Variants in UGT1A3 observed in about 807,000 individuals in gnomAD.
UGT1A3 encodes the protein UDP-glucuronosyltransferase 1A3.
A neutral mutation model predicts 41.0 loss-of-function variants in UGT1A3; 31 were observed. The ratio of observed to expected loss-of-function variants is 0.76; its 90% CI spans 0.57 to 1.02. The LOEUF (loss-of-function observed/expected upper bound fraction) is 1.02, where lower values mean the gene tolerates loss of function less well. UGT1A3 is among the 50% of genes least tolerant of loss of function. The pLI, the probability that UGT1A3 is intolerant of heterozygous loss-of-function variation, is 0.00. For synonymous variants in UGT1A3, 262 were observed against 257.6 expected, an observed-to-expected ratio of 1.02 and a Z score of -0.17; for missense variants, 737 against 671.0, an observed-to-expected ratio of 1.10 and a Z score of -1.09.
chr2:233,757,535 A>AATATATATATAT (rs67292694), intron 1 of UGT1A3, among the ~76,000 whole-genome samples: 911 of 88,202 alleles, frequency 0.01, 30 homozygotes, highest in Middle Eastern at 0.029. Context: ...GCCTGTAAGG[A>AATATATATATAT]ATATATATAT....
intron 1 of UGT1A3, among the ~76,000 whole-genome samples, chr2:233,741,100 C>A (rs1335319606): frequency 1.3e-5 from 2 of 151,794 alleles, no homozygotes; most frequent in Non-Finnish European, 2.9e-5. Context: ...AGCAAACAGA[C>A]AATCAAGCTT....
intron 1 of UGT1A3, among the ~76,000 whole-genome samples, chr2:233,745,931 A>T (rs1693251740): frequency 1.3e-5 from 2 of 151,426 alleles, no homozygotes; most frequent in African/African-American, 4.9e-5. Flanking sequence ...TTCAGAAGGG[A>T]CAGCTGGGGG....
At chr2:233,730,730 G>A (rs186110324) in intron 1 of UGT1A3, among the ~76,000 whole-genome samples, 24 of 152,186 alleles carry the variant, frequency 1.6e-4, no homozygotes, top group African/African-American at 4.1e-4. Context: ...AAGAAATGGC[G>A]GAAGGGGCTA....
At chr2:233,766,958 T>C in intron 1 of UGT1A3, 76 bp from the exon 2 acceptor site, 1 of 1,605,414 alleles carries the variant, frequency 6.2e-7, no homozygotes, top group Non-Finnish European at 8.5e-7. Context: ...GGAAGATATC[T>C]AATTCATAAC....
intron 1 of UGT1A3, among the ~76,000 whole-genome samples, chr2:233,759,704 G>A (rs891688930): frequency 3.4e-4 from 52 of 151,494 alleles, no homozygotes; most frequent in African/African-American, 1.2e-3. Flanking sequence ...CTCATGGCGC[G>A]TGCTCGTGTG....
chr2:233,767,244 T>A, intron 2 of UGT1A3, 79 bp downstream of exon 2: 13 of 1,606,204 alleles, frequency 8.1e-6, no homozygotes, highest in Non-Finnish European at 1.1e-5. Context: ...CCAGATTAAT[T>A]CTCTTAATTG....
intron 1 of UGT1A3, among the ~76,000 whole-genome samples, chr2:233,758,021 T>C (rs949274852): frequency 2.0e-5 from 3 of 152,156 alleles, no homozygotes; most frequent in African/African-American, 7.2e-5. Context: ...TGTCTCTGTC[T>C]ACCTGACCCC....
At chr2:233,757,911 T>G (rs1423273798) in intron 1 of UGT1A3, among the ~76,000 whole-genome samples, 6 of 152,118 alleles carry the variant, frequency 3.9e-5, no homozygotes, top group Non-Finnish European at 8.8e-5. Flanking sequence ...GACGTGTCAC[T>G]CTTTAGCAGC....
chr2:233,769,634 G>A lies in UGT1A3; in HGVS notation c.1307+1195G>A. 2 of 1,610,964 alleles carry A rather than the reference G, an allele frequency of 1.2e-6. No individual in the cohort carries two copies. The highest frequency in any genetic ancestry group is 1.1e-5 in the South Asian group (1 of 90,734). On this transcript the variant is annotated intron_variant, in intron 4 of 4. Transcript: ENST00000482026. The surrounding 1 kb of genome is among the most constrained non-coding windows in gnomAD (Gnocchi z 4.4). ...CCAGCTTGAGCAAGGGACAACAGGG[G>A]AGGACTGATGACTGACTTCCCACCT...
At position 233,729,159 on chromosome 2, in the gene UGT1A3, G is replaced by A. The variant is rs781569400; in HGVS notation, c.33G>A (p.Trp11Ter). The change falls in exon 1 of 5, where the codon TGG (tryptophan) becomes TGA (stop). Residue 11 changes from tryptophan (W) to a stop codon, truncating the protein, a stop_gained. Coordinates refer to ENST00000482026, the MANE Select transcript of UGT1A3 (RefSeq NM_019093.4). LOFTEE classifies it high-confidence loss of function. ...CAGGACTCCAGGTTCCCCTGCCGTG[G>A]CTGGCCACAGGACTGCTGCTTCTCC... is the stretch of plus-strand genomic sequence containing the variant. MATGLQVPLP[W>*]LATGLLLLLS... The A allele has an allele frequency of 2.5e-6, 4 of 1,613,520 alleles. No homozygotes were observed. Among genetic ancestry groups the A allele is most frequent in the Non-Finnish European group, 3.4e-6 (4 of 1,179,876 alleles).
chr2:233,752,000 T>A (rs1694866049), intron 1 of UGT1A3, among the ~76,000 whole-genome samples: 1 of 152,106 alleles, frequency 6.6e-6, no homozygotes, highest in African/African-American at 2.4e-5. Context: ...TTGAGAAAGT[T>A]GATGAGAAAG....
At chr2:233,730,970 C>A (rs1362150933) in intron 1 of UGT1A3, among the ~76,000 whole-genome samples, 1 of 152,154 alleles carries the variant, frequency 6.6e-6, no homozygotes. Context: ...ACTCTGGGAC[C>A]TGAATATTGT....
At chr2:233,748,093 C>A (rs1693864089) in intron 1 of UGT1A3, 3 of 1,612,862 alleles carry the variant, frequency 1.9e-6, no homozygotes, top group African/African-American at 1.3e-5. Context: ...GGTGTTCGTG[C>A]CTTCATCCAA....
chr2:233,757,537 T>TATATATACATATAC lies in UGT1A3; in HGVS notation c.868-9490_868-9489insCATATACATATATA, dbSNP rs1472416448. Among the ~76,000 whole-genome samples the TATATATACATATAC allele has an allele frequency of 1.3e-3, 136 of 107,742 alleles. 2 individuals carry two copies. Among genetic ancestry groups the TATATATACATATAC allele is most frequent in the African/African-American group, 3.9e-3 (84 of 21,496 alleles). 70.7% of individuals were successfully genotyped at this position (107,742 alleles called of 152,430 possible). A position where few individuals can be genotyped will look rare whatever the true frequency, so the allele number is the denominator to read the frequency against. ...AAGCCAAAATCTTGCCTGTAAGGAA[T>TATATATACATATAC]ATATATATATATATATATATATATG... On this transcript the variant is annotated intron_variant, in intron 1 of 4. Transcript: ENST00000482026.
At chr2:233,747,348 G>C in intron 1 of UGT1A3, 1 of 1,603,426 alleles carries the variant, frequency 6.2e-7, no homozygotes, top group Admixed American at 1.7e-5. Flanking sequence ...TCGCATGCGG[G>C]AGGCCGTGCG....
intron 1 of UGT1A3, among the ~76,000 whole-genome samples, chr2:233,766,494 G>A (rs1250106940): frequency 2.6e-5 from 4 of 152,182 alleles, no homozygotes; most frequent in African/African-American, 9.7e-5. Flanking sequence ...GGCGTGGCAG[G>A]CCAGGGTGGT....
intron 1 of UGT1A3, chr2:233,740,677 T>C (rs536808969): frequency 2.0e-5 from 3 of 151,924 alleles, no homozygotes; most frequent in South Asian, 4.1e-4. Context: ...GGTGTTTCCA[T>C]GGAGGGTGTT....
In UGT1A3 at chr2:233,750,906, G is replaced by C. The variant is rs147161885; in HGVS notation, c.868-16128G>C. Among the ~76,000 whole-genome samples, 893 of 152,034 alleles carry C rather than the reference G, an allele frequency of 5.9e-3. 37 individuals carry two copies. Among genetic ancestry groups the C allele is most frequent in the African/African-American group, 0.021 (857 of 41,250 alleles). On this transcript the variant is annotated intron_variant, in intron 1 of 4. Coordinates refer to ENST00000482026, the MANE Select transcript of UGT1A3 (RefSeq NM_019093.4). ...GCCCTTATAGAGAACCTCTGCTAGA[G>C]AAGGGTGGTAAAGAAATGTGAGGTT...
chr2:233,767,212 G>A (rs377453564), intron 2 of UGT1A3, 47 bp downstream of exon 2: 197 of 1,612,180 alleles, frequency 1.2e-4, no homozygotes, highest in Admixed American at 3.0e-4. Context: ...TCACAGGAGC[G>A]CTAATCCCAG....
Sources: gnomAD v4.1 joint callset for allele counts (sites outside exome capture counted in the v4.1 genomes callset) on GRCh38, gnomAD v4.1.1 for gene constraint, Gnocchi (gnomAD v3.1) non-coding constraint, MANE v1.5 for transcripts, NCBI Gene and HGNC (gene_info 2026-07-23, HGNC 2026-07-21) for gene names.